The following TIAM2 variants were observed in gnomAD, a reference collection of about 807,000 sequenced individuals.
TIAM2 encodes the protein rho guanine nucleotide exchange factor TIAM2.
A neutral mutation model predicts 152.9 loss-of-function variants in TIAM2; 80 were observed. The observed-to-expected ratio is 0.52, with a 90% CI of 0.44 to 0.63. The LOEUF (loss-of-function observed/expected upper bound fraction) is 0.63. Ranked by LOEUF, TIAM2 falls within the 30% of genes least tolerant of loss-of-function variation. TIAM2 has a pLI of 0.00. For missense variants in TIAM2, 1,965 were observed against 2,120.1 expected (o/e 0.93, Z 1.44); for synonymous variants, 804 against 838.0 (o/e 0.96, Z 0.70).
chr6:155,256,728 AGAT>A lies in TIAM2; in HGVS notation c.4719_4721del (p.Asp1574del). 1 of 1,614,242 alleles carries A rather than the reference AGAT, an allele frequency of 6.2e-7. No individual in the cohort carries two copies. Among genetic ancestry groups the A allele is most frequent in the Non-Finnish European group, 8.5e-7 (1 of 1,180,042 alleles). On this transcript the variant is annotated inframe_deletion, in exon 27 of 27. Coordinates refer to ENST00000682666, the MANE Select transcript of TIAM2 (RefSeq NM_012454.4). The stretch of plus-strand genomic sequence containing the variant: ...AAGAGAGTGACATCCTGAGCGATGA[AGAT>A]GATGACCACCGTCAGACTGTGAAGC...
At chr6:155,012,561 AT>A (rs1201909086) in intron 1 of TIAM2, among the ~76,000 whole-genome samples, 1 of 152,028 alleles carries the variant, frequency 6.6e-6, no homozygotes, top group African/African-American at 2.4e-5. Flanking sequence ...ATTTTATTTT[AT>A]TTTTTTGAGA....
intron 1 of TIAM2, among the ~76,000 whole-genome samples, chr6:155,081,276 T>A (rs2114966746): frequency 6.6e-6 from 1 of 152,250 alleles, no homozygotes; most frequent in African/African-American, 2.4e-5. Context: ...TGCATCTGTT[T>A]GTTTCTTCCT....
chr6:155,073,337 A>G (rs1777884241), intron 1 of TIAM2, among the ~76,000 whole-genome samples: 1 of 151,128 alleles, frequency 6.6e-6, no homozygotes, highest in Non-Finnish European at 1.5e-5. Context: ...TAATTTTTGT[A>G]TTTTTAGTGG....
chr6:155,026,482 T>G (rs1382710832), intron 1 of TIAM2, among the ~76,000 whole-genome samples: 1 of 152,228 alleles, frequency 6.6e-6, no homozygotes, highest in African/African-American at 2.4e-5. Flanking sequence ...AAACTCACTG[T>G]GGTTTATCAT....
At chr6:155,176,423 G>A (rs1408429973) in intron 9 of TIAM2, among the ~76,000 whole-genome samples, 1 of 152,122 alleles carries the variant, frequency 6.6e-6, no homozygotes, top group Non-Finnish European at 1.5e-5. Flanking sequence ...TAGTAGAGAC[G>A]CTGTTTCACC....
At chr6:155,100,908 A>C (rs528073355) in intron 2 of TIAM2, among the ~76,000 whole-genome samples, 1 of 152,268 alleles carries the variant, frequency 6.6e-6, no homozygotes, top group South Asian at 2.1e-4. Flanking sequence ...GTGGGATCTG[A>C]TGTCACGCCA....
intron 1 of TIAM2, among the ~76,000 whole-genome samples, chr6:154,997,957 G>A (rs771189168): frequency 3.3e-5 from 5 of 152,024 alleles, no homozygotes; most frequent in Admixed American, 6.6e-5. Context: ...TACTTCTCAC[G>A]AACTCTAGAA....
chr6:155,133,252 C>CA (rs1779486922), intron 4 of TIAM2, among the ~76,000 whole-genome samples: 1 of 152,070 alleles, frequency 6.6e-6, no homozygotes, highest in East Asian at 1.9e-4. Flanking sequence ...GAGGCAGAGG[C>CA]AGGAGAATCG....
intron 5 of TIAM2, among the ~76,000 whole-genome samples, chr6:155,144,141 C>T (rs576238028): frequency 8.5e-5 from 13 of 152,310 alleles, no homozygotes; most frequent in African/African-American, 2.4e-4. Context: ...CCCTCAACAT[C>T]GTCTTTGGAG....
At chr6:155,198,209 A>G (rs1194981580) in intron 14 of TIAM2, among the ~76,000 whole-genome samples, 1 of 152,216 alleles carries the variant, frequency 6.6e-6, no homozygotes, top group African/African-American at 2.4e-5. Context: ...AATATCGCTC[A>G]CTGTGTGCCT....
chr6:155,235,747 TCTG>T (rs1419046410), intron 15 of TIAM2, among the ~76,000 whole-genome samples: 5 of 152,230 alleles, frequency 3.3e-5, no homozygotes, highest in African/African-American at 1.2e-4. Flanking sequence ...AAGAAGTAAA[TCTG>T]CTATGAAAAA....
chr6:155,074,913 C>T (rs1479093669), intron 1 of TIAM2, among the ~76,000 whole-genome samples: 1 of 147,858 alleles, frequency 6.8e-6, no homozygotes, highest in Non-Finnish European at 1.5e-5. Flanking sequence ...GGAGATGGGA[C>T]CTTCTGACCA....
chr6:155,207,251 A>G (rs1320283193), intron 14 of TIAM2, among the ~76,000 whole-genome samples: 1 of 152,326 alleles, frequency 6.6e-6, no homozygotes, highest in Non-Finnish European at 1.5e-5. Context: ...CCAGTCTTCT[A>G]TTCTTCCAGA....
intron 5 of TIAM2, among the ~76,000 whole-genome samples, chr6:155,139,263 C>T (rs530520699): frequency 2.6e-5 from 4 of 152,344 alleles, no homozygotes; most frequent in East Asian, 3.9e-4. Flanking sequence ...ATCATGCCTT[C>T]GTTACCACAA....
At chr6:155,222,617 CA>C (rs916300239) in intron 15 of TIAM2, among the ~76,000 whole-genome samples, 10 of 67,632 alleles carry the variant, frequency 1.5e-4, no homozygotes, top group Admixed American at 4.7e-4. Context: ...AAAAAACAAA[CA>C]AAAAAAAAAA....
At chr6:155,118,811 G>A (rs2151960) in intron 2 of TIAM2, among the ~76,000 whole-genome samples, 44,676 of 150,940 alleles carry the variant, frequency 0.3, 8,002 homozygotes, top group Admixed American at 0.41. Flanking sequence ...TCCTTATTGG[G>A]TTGTTCCTAA....
At chr6:155,118,979 T>G (rs552770174) in intron 2 of TIAM2, among the ~76,000 whole-genome samples, 1 of 152,070 alleles carries the variant, frequency 6.6e-6, no homozygotes, top group East Asian at 1.9e-4. Context: ...TTGTACTTAC[T>G]GTCTGTATCT....
At chr6:155,187,917 C>T (rs1174023279) in intron 14 of TIAM2, among the ~76,000 whole-genome samples, 1 of 152,058 alleles carries the variant, frequency 6.6e-6, no homozygotes, top group Non-Finnish European at 1.5e-5. Context: ...TGGAAAGCAG[C>T]CTTGGAGAGC....
Position 155,166,348 on chromosome 6 carries a change from G to A in TIAM2, c.2361+939G>A, listed in dbSNP as rs570807578. Among the ~76,000 whole-genome samples, 3 of 149,546 alleles carry A rather than the reference G, an allele frequency of 2.0e-5. No individual in the cohort carries two copies. The South Asian group carries it at 6.3e-4, about 31-fold the overall frequency. On this transcript the variant is annotated intron_variant, in intron 9 of 26. Coordinates refer to ENST00000682666, the MANE Select transcript of TIAM2 (RefSeq NM_012454.4). ...TTTTTTTTTTTCTTTTTTTGAGATG[G>A]AGTCTTGCTCTGTCACCCAGGCTGG...
Sources: allele counts gnomAD v4.1 joint callset (sites outside exome capture counted in the v4.1 genomes callset), GRCh38; gene constraint gnomAD v4.1.1; transcripts MANE v1.5; gene names NCBI Gene and HGNC (gene_info 2026-07-23, HGNC 2026-07-21).